WDFY2: variants seen among roughly 807,000 people sequenced by gnomAD.
WDFY2 encodes the protein WD repeat and FYVE domain containing 2.
A neutral mutation model predicts 56.4 loss-of-function variants in WDFY2; 36 were observed. That is an observed-to-expected ratio of 0.64 (90% CI 0.49 to 0.84). The LOEUF is 0.84. Ranked by LOEUF, WDFY2 falls within the 40% of genes least tolerant of loss-of-function variation. The pLI, the probability that WDFY2 is intolerant of heterozygous loss-of-function variation, is 0.00. For synonymous variants in WDFY2, 176 were observed against 183.7 expected (o/e 0.96, Z 0.34); for missense variants, 444 against 512.2 (o/e 0.87, Z 1.29).
chr13:51,736,496 G>A lies in WDFY2; in HGVS notation c.599-2553G>A, dbSNP rs571242804. 9.9e-4 allele frequency among the ~76,000 whole-genome samples: 151 copies of A among 152,142 alleles called. 1 individual carries two copies. The South Asian group carries it at 0.03, about 30-fold the overall frequency. On this transcript the variant is annotated intron_variant, in intron 6 of 11. Transcript: ENST00000298125. ...GGCTCCTCATGGTGCAGTGTTTTTT[G>A]TTTTGTTTTGTTTGGAGACGGAGTC...
intron 2 of WDFY2, among the ~76,000 whole-genome samples, chr13:51,664,357 G>A (rs1391392862): frequency 1.3e-5 from 2 of 152,200 alleles, no homozygotes; most frequent in African/African-American, 4.8e-5. Flanking sequence ...TTAGAATTTG[G>A]AGGCAGAAAT....
intron 2 of WDFY2, among the ~76,000 whole-genome samples, chr13:51,672,064 G>A (rs1210128773): frequency 6.6e-6 from 1 of 152,098 alleles, no homozygotes; most frequent in African/African-American, 2.4e-5. Flanking sequence ...GATTACAGGC[G>A]TGAGCCGCTG....
At chr13:51,646,411 G>A (rs1291618384) in intron 1 of WDFY2, among the ~76,000 whole-genome samples, 3 of 152,176 alleles carry the variant, frequency 2.0e-5, no homozygotes, top group Non-Finnish European at 4.4e-5. Context: ...GCCTGAGCCC[G>A]GGCTCTGTAG....
chr13:51,711,702 A>G (rs1306303650), intron 4 of WDFY2, among the ~76,000 whole-genome samples: 2 of 152,266 alleles, frequency 1.3e-5, no homozygotes, highest in African/African-American at 4.8e-5. Context: ...GTTCATCATC[A>G]CTGGTCATCA....
At chr13:51,586,808 G>T (rs1048994272) in intron 1 of WDFY2, 3 of 152,004 alleles carry the variant, frequency 2.0e-5, no homozygotes, top group Non-Finnish European at 4.4e-5. Context: ...TGTTAAATAA[G>T]GTTCACCCAT....
rs1033825317 is a variant in WDFY2 at position 51,760,373 on chromosome 13, T to G, written c.*604T>G. 4 of 152,244 alleles carry G rather than the reference T, an allele frequency of 2.6e-5. No individual in the cohort carries two copies. Among genetic ancestry groups the G allele is most frequent in the African/African-American group, 9.7e-5 (4 of 41,448 alleles). The allele number at this position is 152,244 out of a possible 1,614,324, so 9.4% of individuals were successfully genotyped here. ...GGAATTGCCTGAAGAGCGATTTGTT[T>G]GTAATGTCTGCCTCATTCACGTTCT... On this transcript the variant is annotated 3_prime_UTR_variant, in exon 12 of 12. Transcript: ENST00000298125.
At chr13:51,712,293 A>G (rs898851076) in intron 4 of WDFY2, among the ~76,000 whole-genome samples, 3 of 152,106 alleles carry the variant, frequency 2.0e-5, no homozygotes, top group Non-Finnish European at 4.4e-5. Flanking sequence ...GCTGGGGCCT[A>G]TCGTGGTGTG....
chr13:51,690,707 A>G (rs1956138260), intron 3 of WDFY2, among the ~76,000 whole-genome samples: 1 of 152,094 alleles, frequency 6.6e-6, no homozygotes, highest in Non-Finnish European at 1.5e-5. Flanking sequence ...TTGGGTATAT[A>G]CTCAGTAATG....
chr13:51,632,124 T>C (rs1412047085), intron 1 of WDFY2, among the ~76,000 whole-genome samples: 1 of 152,148 alleles, frequency 6.6e-6, no homozygotes, highest in Non-Finnish European at 1.5e-5. Flanking sequence ...CTTACTCCAT[T>C]GTCTTTTAAC....
intron 4 of WDFY2, among the ~76,000 whole-genome samples, chr13:51,711,671 C>G (rs1375687461): frequency 6.6e-6 from 1 of 152,168 alleles, no homozygotes; most frequent in Non-Finnish European, 1.5e-5. Context: ...ATTTATGCAG[C>G]CAACAGACAC....
chr13:51,751,211 G>A lies in WDFY2; in HGVS notation c.726-99G>A, dbSNP rs141140484. On this transcript the variant is annotated intron_variant, in intron 7 of 11. Coordinates refer to ENST00000298125, the MANE Select transcript of WDFY2 (RefSeq NM_052950.4). ...TTTCTAAGATCTACACTGGGGGCTC[G>A]GAGTGAGTGAGCACATTGGCTGACT... is the stretch of plus-strand genomic sequence containing the variant. The A allele has an allele frequency of 2.4e-4, 259 of 1,071,010 alleles. No homozygotes were observed. The East Asian group carries it at 4.8e-3, about 20-fold the overall frequency. The allele number at this position is 1,071,010 out of a possible 1,614,324, so 66.3% of individuals were successfully genotyped here.
At chr13:51,673,288 A>G (rs1022976523) in intron 2 of WDFY2, among the ~76,000 whole-genome samples, 3 of 152,220 alleles carry the variant, frequency 2.0e-5, no homozygotes, top group African/African-American at 4.8e-5. Context: ...GCATAACCGG[A>G]TATGGACTTT....
chr13:51,713,898 G>A (rs1481320033), intron 4 of WDFY2, among the ~76,000 whole-genome samples: 2 of 148,774 alleles, frequency 1.3e-5, no homozygotes, highest in Non-Finnish European at 3.0e-5. Flanking sequence ...CCTTATATAT[G>A]AGATACTTAT....
intron 1 of WDFY2, among the ~76,000 whole-genome samples, chr13:51,616,271 A>T (rs1954612070): frequency 6.6e-6 from 1 of 152,180 alleles, no homozygotes; most frequent in Admixed American, 6.6e-5. Context: ...TAAATTCATG[A>T]TTCTCATAAT....
At chr13:51,618,137 C>G (rs1464557884) in intron 1 of WDFY2, among the ~76,000 whole-genome samples, 1 of 152,162 alleles carries the variant, frequency 6.6e-6, no homozygotes, top group Admixed American at 6.5e-5. Context: ...ATCTTCAGGC[C>G]CCCTGTTGTT....
chr13:51,629,394 GAAAAGAGGATGTT>G (rs1027567227), intron 1 of WDFY2, among the ~76,000 whole-genome samples: 7 of 152,160 alleles, frequency 4.6e-5, no homozygotes, highest in Non-Finnish European at 1.5e-5. Flanking sequence ...CATGGTATAT[GAAAAGAGGATGTT>G]ATTTGGGTTG....
intron 1 of WDFY2, among the ~76,000 whole-genome samples, chr13:51,621,620 A>G (rs1404052085): frequency 2.0e-5 from 3 of 152,232 alleles, no homozygotes; most frequent in African/African-American, 7.2e-5. Context: ...GAAGATTCTT[A>G]TGGACTTCAT....
chr13:51,649,819 A>G (rs1184490791), intron 1 of WDFY2, among the ~76,000 whole-genome samples: 2 of 152,142 alleles, frequency 1.3e-5, no homozygotes. Flanking sequence ...TGGTTACTGT[A>G]GCCTTGTAGT....
chr13:51,718,841 T>C (rs1042913288), intron 4 of WDFY2, among the ~76,000 whole-genome samples: 2 of 152,216 alleles, frequency 1.3e-5, no homozygotes, highest in Non-Finnish European at 2.9e-5. Flanking sequence ...TCACACTGGA[T>C]GTGGCTCTCT....
Sources: allele counts gnomAD v4.1 joint callset (sites outside exome capture counted in the v4.1 genomes callset), GRCh38; gene constraint gnomAD v4.1.1; transcripts MANE v1.5; gene names NCBI Gene and HGNC (gene_info 2026-07-23, HGNC 2026-07-21).